The following TMEM178B variants were observed in gnomAD, a reference collection of about 807,000 sequenced individuals.
The protein encoded by TMEM178B is transmembrane protein 178B.
TMEM178B carries 5 observed loss-of-function variants against 31.0 expected under a neutral mutation model. The observed-to-expected ratio is 0.16, with a 90% CI of 0.08 to 0.34. The LOEUF (loss-of-function observed/expected upper bound fraction) is 0.34, where lower values mean the gene tolerates loss of function less well. Ranked by LOEUF, TMEM178B falls within the 10% of genes least tolerant of loss-of-function variation. The pLI is 1.00. For missense variants in TMEM178B, 275 were observed against 400.3 expected (o/e 0.69, Z 2.67); for synonymous variants, 164 against 164.0 (o/e 1.00, Z 0.00).
chr7:141,283,673 A>G (rs141892071), intron 2 of TMEM178B, among the ~76,000 whole-genome samples: 87 of 152,268 alleles, frequency 5.7e-4, no homozygotes, highest in African/African-American at 2.0e-3. Context: ...TTGACCCTCT[A>G]CTTCTCAGCA....
chr7:141,210,375 A>G (rs1797034760), intron 1 of TMEM178B, among the ~76,000 whole-genome samples: 1 of 152,118 alleles, frequency 6.6e-6, no homozygotes, highest in South Asian at 2.1e-4. Flanking sequence ...AGGCAGGAGA[A>G]TTGCTTGAAC....
intron 1 of TMEM178B, among the ~76,000 whole-genome samples, chr7:141,117,722 G>C (rs1185513280): frequency 6.6e-6 from 1 of 152,132 alleles, no homozygotes; most frequent in Non-Finnish European, 1.5e-5. Flanking sequence ...TCAGTATTCT[G>C]CATATGGCTA....
At chr7:141,459,974 G>A (rs1005068906) in intron 3 of TMEM178B, among the ~76,000 whole-genome samples, 6 of 151,636 alleles carry the variant, frequency 4.0e-5, no homozygotes, top group African/African-American at 9.7e-5. Context: ...AACACAAGAT[G>A]CCTAACAGGT....
chr7:141,085,127 G>A (rs897963502), intron 1 of TMEM178B, among the ~76,000 whole-genome samples: 2 of 145,682 alleles, frequency 1.4e-5, no homozygotes, highest in Non-Finnish European at 3.0e-5. Flanking sequence ...ACAGGCACCT[G>A]TCAGCACTCT....
At chr7:141,153,567 T>C (rs1796014740) in intron 1 of TMEM178B, among the ~76,000 whole-genome samples, 1 of 152,222 alleles carries the variant, frequency 6.6e-6, no homozygotes, top group Non-Finnish European at 1.5e-5. Context: ...TTTACACTAA[T>C]TTACTTTCCC....
intron 3 of TMEM178B, among the ~76,000 whole-genome samples, chr7:141,464,058 A>G (rs1028026675): frequency 2.6e-5 from 4 of 152,212 alleles, no homozygotes; most frequent in African/African-American, 7.2e-5. Context: ...TGATGGAAGC[A>G]TGACTCAGAG....
At chr7:141,098,196 T>C (rs1794997079) in intron 1 of TMEM178B, among the ~76,000 whole-genome samples, 1 of 152,218 alleles carries the variant, frequency 6.6e-6, no homozygotes, top group African/African-American at 2.4e-5. Flanking sequence ...AGAAGGTATC[T>C]TTCCAATTTA....
At chr7:141,375,770 G>A (rs188893682) in intron 2 of TMEM178B, among the ~76,000 whole-genome samples, 9 of 152,338 alleles carry the variant, frequency 5.9e-5, no homozygotes, top group Admixed American at 5.9e-4. Context: ...ATACACTGCT[G>A]TATTAATTAG....
At chr7:141,438,025 G>A (rs897846636) in intron 3 of TMEM178B, among the ~76,000 whole-genome samples, 3 of 152,170 alleles carry the variant, frequency 2.0e-5, no homozygotes, top group Admixed American at 6.5e-5. Context: ...ATCATGAGAC[G>A]GGTGGTTACG....
chr7:141,087,781 T>C (rs1466080258), intron 1 of TMEM178B, among the ~76,000 whole-genome samples: 1 of 152,230 alleles, frequency 6.6e-6, no homozygotes, highest in Non-Finnish European at 1.5e-5. Flanking sequence ...CCAAGAGTCC[T>C]TATGTTAAGA....
intron 1 of TMEM178B, among the ~76,000 whole-genome samples, chr7:141,204,370 G>A (rs561597458): frequency 6.6e-6 from 1 of 152,340 alleles, no homozygotes; most frequent in Non-Finnish European, 1.5e-5. Context: ...TTAGTTGAGA[G>A]CTGCTTTCCC....
the TMEM178B span, among the ~76,000 whole-genome samples, chr7:141,506,765 A>G: frequency 2.0e-5 from 3 of 152,310 alleles, no homozygotes; most frequent in Middle Eastern, 3.4e-3. Context: ...AAAAGTCCAC[A>G]GTCCAAAGTC....
intron 1 of TMEM178B, among the ~76,000 whole-genome samples, chr7:141,203,076 T>C (rs1260765130): frequency 6.6e-6 from 1 of 152,212 alleles, no homozygotes; most frequent in African/African-American, 2.4e-5. Flanking sequence ...AATGTGATAA[T>C]GCGAATGCAT....
chr7:141,221,828 A>G (rs537425762), intron 2 of TMEM178B, among the ~76,000 whole-genome samples: 1 of 152,366 alleles, frequency 6.6e-6, no homozygotes, highest in Admixed American at 6.5e-5. Flanking sequence ...TGAAAGTCCT[A>G]CCAGCGTCAA....
At chr7:141,218,567 G>A (rs1337767921) in intron 2 of TMEM178B, among the ~76,000 whole-genome samples, 1 of 152,150 alleles carries the variant, frequency 6.6e-6, no homozygotes, top group Non-Finnish European at 1.5e-5. Context: ...GGTGTATGGT[G>A]GGAAGCCCAG....
chr7:141,482,517 G>C (rs1802495656), downstream of TMEM178B, among the ~76,000 whole-genome samples: 1 of 152,166 alleles, frequency 6.6e-6, no homozygotes, highest in Non-Finnish European at 1.5e-5. Flanking sequence ...GTGCTCAACA[G>C]GTGCTTACTG....
chr7:141,080,396 G>A (rs1794663622), intron 1 of TMEM178B, among the ~76,000 whole-genome samples: 1 of 152,194 alleles, frequency 6.6e-6, no homozygotes, highest in Non-Finnish European at 1.5e-5. Context: ...TGAGGAGGGC[G>A]GATTACGAGG....
chr7:141,243,141 C>T lies in TMEM178B; in HGVS notation c.496+30437C>T, dbSNP rs141715330. ...TAAACAAACCCCAAACAACCAAAGT[C>T]ATGTGACCCTGGCTTGATTGCCTTT... On this transcript the variant is annotated intron_variant, in intron 2 of 3. Transcript: ENST00000565468. Among the ~76,000 whole-genome samples, 214 of 152,164 alleles carry T rather than the reference C, an allele frequency of 1.4e-3. 1 individual carries two copies. Among genetic ancestry groups the T allele is most frequent in the African/African-American group, 5.0e-3 (209 of 41,518 alleles).
At chr7:141,363,657 G>C (rs905675092) in intron 2 of TMEM178B, among the ~76,000 whole-genome samples, 2 of 152,182 alleles carry the variant, frequency 1.3e-5, no homozygotes, top group African/African-American at 4.8e-5. Flanking sequence ...TTTATCTTCA[G>C]AAGTGGAAAA....
Sources: gnomAD v4.1 joint callset for allele counts (sites outside exome capture counted in the v4.1 genomes callset) on GRCh38, gnomAD v4.1.1 for gene constraint, MANE v1.5 for transcripts, NCBI Gene and HGNC (gene_info 2026-07-23, HGNC 2026-07-21) for gene names.